Variants in AK5 observed in about 807,000 individuals in gnomAD.
AK5 encodes adenylate kinase isoenzyme 5.
AK5 carries 27 observed loss-of-function variants against 69.5 expected under a neutral mutation model. That is an observed-to-expected ratio of 0.39 (90% CI 0.29 to 0.54). The LOEUF (loss-of-function observed/expected upper bound fraction) is 0.54. AK5 is among the 20% of genes least tolerant of loss of function. The pLI is 0.71. For missense variants in AK5, 531 were observed against 700.4 expected, an observed-to-expected ratio of 0.76 and a Z score of 2.73; for synonymous variants, 260 against 244.4, an observed-to-expected ratio of 1.06 and a Z score of -0.60.
chr1:77,558,490 G>T, intron 13 of AK5, 112 bp from the exon 14 acceptor site: 8 of 589,126 alleles, frequency 1.4e-5, no homozygotes, highest in Admixed American at 3.2e-5. Flanking sequence ...GGGGGGTCTT[G>T]TGTTTTAAAA....
intron 6 of AK5, among the ~76,000 whole-genome samples, chr1:77,393,418 GT>G (rs1279382169): frequency 1.3e-5 from 2 of 152,152 alleles, no homozygotes; most frequent in Non-Finnish European, 2.9e-5. Flanking sequence ...GGGACAATTT[GT>G]TGCTATTGTG....
At chr1:77,538,163 AC>A (rs1038215897) in intron 13 of AK5, among the ~76,000 whole-genome samples, 1 of 151,948 alleles carries the variant, frequency 6.6e-6, no homozygotes, top group Admixed American at 6.6e-5. Context: ...ACATTTCGAG[AC>A]CCTGTCTCTC....
At chr1:77,305,091 T>C (rs1308070501) in intron 5 of AK5, among the ~76,000 whole-genome samples, 2 of 152,240 alleles carry the variant, frequency 1.3e-5, no homozygotes, top group African/African-American at 4.8e-5. Context: ...TAATCAGTGA[T>C]GTTGAACACT....
chr1:77,435,832 A>G (rs985223854), intron 8 of AK5, among the ~76,000 whole-genome samples: 3 of 152,198 alleles, frequency 2.0e-5, no homozygotes, highest in Non-Finnish European at 2.9e-5. Flanking sequence ...CTTATAAACT[A>G]AGTTATGTAT....
intron 12 of AK5, among the ~76,000 whole-genome samples, chr1:77,526,497 A>C (rs1658296851): frequency 9.9e-6 from 1 of 100,752 alleles, no homozygotes; most frequent in African/African-American, 4.1e-5. Flanking sequence ...TTTTTTTGAG[A>C]CGGAGTCTCG....
chr1:77,334,084 C>G (rs1661226130), intron 5 of AK5, among the ~76,000 whole-genome samples: 1 of 152,174 alleles, frequency 6.6e-6, no homozygotes, highest in Non-Finnish European at 1.5e-5. Flanking sequence ...TATCCTGGAT[C>G]ATTTTTCTTC....
At chr1:77,503,778 G>A (rs1008497456) in intron 10 of AK5, among the ~76,000 whole-genome samples, 11 of 151,886 alleles carry the variant, frequency 7.2e-5, no homozygotes, top group African/African-American at 1.9e-4. Flanking sequence ...GGTGGCGGGC[G>A]CCTGCAATCC....
intron 6 of AK5, among the ~76,000 whole-genome samples, chr1:77,343,779 C>T (rs1661778594): frequency 1.3e-5 from 2 of 152,168 alleles, no homozygotes; most frequent in African/African-American, 4.8e-5. Flanking sequence ...TATTATTGTA[C>T]AGTTTTTATA....
At chr1:77,460,396 C>G (rs1313961779) in intron 8 of AK5, among the ~76,000 whole-genome samples, 1 of 152,212 alleles carries the variant, frequency 6.6e-6, no homozygotes, top group Non-Finnish European at 1.5e-5. Context: ...TCAAACAGAT[C>G]TGCTATTGAA....
chr1:77,320,330 G>A (rs776771178), intron 5 of AK5, among the ~76,000 whole-genome samples: 8 of 152,188 alleles, frequency 5.3e-5, no homozygotes, highest in Non-Finnish European at 1.2e-4. Flanking sequence ...GTATTGGAAG[G>A]ATTTCTACCA....
chr1:77,367,694 TTA>T (rs770347533), intron 6 of AK5, among the ~76,000 whole-genome samples: 755 of 59,766 alleles, frequency 0.013, 17 homozygotes, highest in East Asian at 0.1. Context: ...TATATATACG[TTA>T]TATGTTATAT....
intron 6 of AK5, among the ~76,000 whole-genome samples, chr1:77,376,442 A>C (rs1489331320): frequency 4.2e-5 from 5 of 120,368 alleles, no homozygotes; most frequent in African/African-American, 1.1e-4. Flanking sequence ...CCAAAAAAAA[A>C]AAAAAAAACA....
chr1:77,411,088 T>C lies in AK5; in HGVS notation c.982+17T>C. 6.2e-7 allele frequency: 1 copy of C among 1,608,492 alleles called. No individual in the cohort carries two copies. The highest frequency in any genetic ancestry group is 1.7e-4 in the Middle Eastern group (1 of 6,048). ...CTGCAGCAGGTAAGTCACTGTGTCC[T>C]TTAGACAACAGTACGCCGTGATCAC... On this transcript the variant is annotated intron_variant, in intron 7 of 13. Transcript: ENST00000354567.
chr1:77,317,469 G>A (rs985697487), intron 5 of AK5, among the ~76,000 whole-genome samples: 1 of 152,038 alleles, frequency 6.6e-6, no homozygotes, highest in African/African-American at 2.4e-5. Context: ...TTGTTGACAT[G>A]TTTTAAACCC....
At chr1:77,356,424 A>T (rs1015434331) in intron 6 of AK5, among the ~76,000 whole-genome samples, 1 of 152,158 alleles carries the variant, frequency 6.6e-6, no homozygotes, top group African/African-American at 2.4e-5. Flanking sequence ...AGTGAAAGCA[A>T]CTCTTGTCTA....
chr1:77,511,988 G>A (rs531147915), intron 10 of AK5, among the ~76,000 whole-genome samples: 3 of 152,256 alleles, frequency 2.0e-5, no homozygotes, highest in Admixed American at 2.0e-4. Context: ...AATAACGAAC[G>A]CTCAGTTTCA....
At chr1:77,557,608 C>T (rs1402294619) in intron 13 of AK5, among the ~76,000 whole-genome samples, 1 of 152,152 alleles carries the variant, frequency 6.6e-6, no homozygotes, top group Admixed American at 6.5e-5. Flanking sequence ...TACCTTAGCA[C>T]ACCTACACAC....
chr1:77,404,008 C>T (rs1431469585), intron 6 of AK5, among the ~76,000 whole-genome samples: 1 of 152,038 alleles, frequency 6.6e-6, no homozygotes, highest in Admixed American at 6.6e-5. Context: ...TGAAGAGGTC[C>T]TTCACATCCC....
intron 6 of AK5, among the ~76,000 whole-genome samples, chr1:77,398,884 G>A (rs991307530): frequency 1.3e-5 from 2 of 151,988 alleles, no homozygotes; most frequent in African/African-American, 4.8e-5. Flanking sequence ...GGTGGTATAC[G>A]AGATTGGGTC....
Sources: allele counts gnomAD v4.1 joint callset (sites outside exome capture counted in the v4.1 genomes callset), GRCh38; gene constraint gnomAD v4.1.1; transcripts MANE v1.5; gene names NCBI Gene and HGNC (gene_info 2026-07-23, HGNC 2026-07-21).